Variants in KCNJ6 observed in about 807,000 individuals in gnomAD.
KCNJ6 encodes the protein potassium inwardly rectifying channel subfamily J member 6, also known as G protein-activated inward rectifier potassium channel 2.
KCNJ6 carries 9 observed loss-of-function variants against 34.2 expected under a neutral mutation model. That is an observed-to-expected ratio of 0.26 (90% CI 0.16 to 0.46). The LOEUF is 0.46. Ranked by LOEUF, KCNJ6 falls within the 20% of genes least tolerant of loss-of-function variation. The pLI, the probability that KCNJ6 is intolerant of heterozygous loss-of-function variation, is 1.00. For missense variants in KCNJ6, 236 were observed against 531.3 expected (o/e 0.44, Z 5.46); for synonymous variants, 196 against 207.1 (o/e 0.95, Z 0.46).
intron 2 of KCNJ6, among the ~76,000 whole-genome samples, chr21:37,728,220 T>C (rs1322361121): frequency 6.6e-6 from 1 of 152,198 alleles, no homozygotes; most frequent in African/African-American, 2.4e-5. Flanking sequence ...ACAAGTACTA[T>C]ATGATTTCAC....
intron 2 of KCNJ6, among the ~76,000 whole-genome samples, chr21:37,784,795 C>T (rs1207131607): frequency 6.6e-6 from 1 of 152,108 alleles, no homozygotes; most frequent in African/African-American, 2.4e-5. Flanking sequence ...ACAAGCACCC[C>T]GGTTTCTCCA....
intron 1 of KCNJ6, among the ~76,000 whole-genome samples, chr21:37,884,228 C>A (rs1419736534): frequency 1.3e-5 from 2 of 152,328 alleles, no homozygotes; most frequent in East Asian, 3.9e-4. Context: ...CCGCACCTCA[C>A]ATCCATCTCA....
chr21:37,720,687 A>AAAAC (rs1188005916), intron 2 of KCNJ6, among the ~76,000 whole-genome samples: 1 of 144,146 alleles, frequency 6.9e-6, no homozygotes, highest in Admixed American at 7.3e-5. Flanking sequence ...AGAATGGGAG[A>AAAAC]AAACATTTTC....
At position 37,695,194 on chromosome 21, in the gene KCNJ6, A is replaced by G. The variant is rs530816532; in HGVS notation, c.946+19017T>C. 7.9e-5 allele frequency among the ~76,000 whole-genome samples: 12 copies of G among 152,342 alleles called. No individual in the cohort carries two copies. Among genetic ancestry groups the G allele is most frequent in the African/African-American group, 2.2e-4 (9 of 41,586 alleles). Reference sequence around the variant, plus strand: ...GATGCACAATCTTGCTGCATGCCCAATAAATTTGATTCCAGGCATTGTTGC... The same window carrying G: ...GATGCACAATCTTGCTGCATGCCCAGTAAATTTGATTCCAGGCATTGTTGC... On this transcript the variant is annotated intron_variant, in intron 3 of 3. Transcript: ENST00000609713. This position sits in a 1 kb window ranked among gnomAD's most constrained non-coding sequence, Gnocchi z 4.2.
At chr21:37,812,057 C>A (rs1262124508) in intron 2 of KCNJ6, among the ~76,000 whole-genome samples, 1 of 152,186 alleles carries the variant, frequency 6.6e-6, no homozygotes, top group East Asian at 1.9e-4. Flanking sequence ...AATAGCTAAA[C>A]TACTGAAAGA....
rs2054242135 is a variant in KCNJ6 at position 37,611,372 on chromosome 21, G to A, written c.*13787C>T. ...GGTTAGTAACCTCCCCAACCAGAAA[G>A]CACTTGGCCCAGATGGGTTCACTGG... On this transcript the variant is annotated 3_prime_UTR_variant, in exon 4 of 4. Transcript: ENST00000609713. 6.6e-6 allele frequency: 1 copy of A among 152,152 alleles called. No individual in the cohort carries two copies. Among genetic ancestry groups the A allele is most frequent in the African/African-American group, 2.4e-5 (1 of 41,442 alleles). The allele number at this position is 152,152 out of a possible 1,614,324, so 9.4% of individuals were successfully genotyped here.
intron 1 of KCNJ6, among the ~76,000 whole-genome samples, chr21:37,860,395 C>T (rs1163401332): frequency 1.3e-5 from 2 of 152,192 alleles, no homozygotes; most frequent in Admixed American, 1.3e-4. Flanking sequence ...TCCTTTCTCG[C>T]CTGGTCTACG....
chr21:37,854,072 C>T (rs2055552371), intron 1 of KCNJ6, among the ~76,000 whole-genome samples: 1 of 150,598 alleles, frequency 6.6e-6, no homozygotes, highest in African/African-American at 2.4e-5. Flanking sequence ...AAATGGCCAA[C>T]CTAAGCCTTA....
At chr21:37,728,029 G>A (rs1221436793) in intron 2 of KCNJ6, among the ~76,000 whole-genome samples, 1 of 152,220 alleles carries the variant, frequency 6.6e-6, no homozygotes, top group Non-Finnish European at 1.5e-5. Context: ...GTTATTCACA[G>A]TGGCCAAAAG....
chr21:37,865,982 C>A (rs1268604289), intron 1 of KCNJ6, among the ~76,000 whole-genome samples: 1 of 152,108 alleles, frequency 6.6e-6, no homozygotes, highest in Non-Finnish European at 1.5e-5. Flanking sequence ...TAAAAAAAAT[C>A]ATATCAGGAA....
At chr21:37,880,945 G>A (rs765058654) in intron 1 of KCNJ6, among the ~76,000 whole-genome samples, 1 of 152,068 alleles carries the variant, frequency 6.6e-6, no homozygotes, top group Non-Finnish European at 1.5e-5. Context: ...GATGGCTCAG[G>A]AGGGATGGGA....
chr21:37,682,840 A>G (rs1419627846), intron 3 of KCNJ6, among the ~76,000 whole-genome samples: 4 of 152,054 alleles, frequency 2.6e-5, no homozygotes, highest in Admixed American at 6.6e-5. Flanking sequence ...CCTGCTGCTC[A>G]TCCCTGGGCC....
chr21:37,798,359 C>T (rs554287752), intron 2 of KCNJ6, among the ~76,000 whole-genome samples: 128 of 152,290 alleles, frequency 8.4e-4, no homozygotes, highest in African/African-American at 3.0e-3. Context: ...AGCCTCATGT[C>T]CCATGAGTCT....
chr21:37,868,247 T>C (rs1240179051), intron 1 of KCNJ6, among the ~76,000 whole-genome samples: 2 of 152,222 alleles, frequency 1.3e-5, no homozygotes, highest in Non-Finnish European at 2.9e-5. Context: ...TGACTACAGC[T>C]AGCGAGATCA....
chr21:37,862,951 A>G (rs2055602028), intron 1 of KCNJ6, among the ~76,000 whole-genome samples: 1 of 152,222 alleles, frequency 6.6e-6, no homozygotes, highest in Admixed American at 6.5e-5. Flanking sequence ...ACTCTTAAAA[A>G]GGCTAGGAAG....
intron 1 of KCNJ6, among the ~76,000 whole-genome samples, chr21:37,874,127 G>A (rs1391747543): frequency 6.6e-6 from 1 of 152,054 alleles, no homozygotes; most frequent in Non-Finnish European, 1.5e-5. Flanking sequence ...CTGCTCCCTG[G>A]AAGCTGCTCC....
At chr21:37,703,468 T>G (rs1024895499) in intron 3 of KCNJ6, among the ~76,000 whole-genome samples, 1 of 152,106 alleles carries the variant, frequency 6.6e-6, no homozygotes, top group South Asian at 2.1e-4. Context: ...AAGGGGGAGA[T>G]GGTGTTGAAA....
intron 1 of KCNJ6, among the ~76,000 whole-genome samples, chr21:37,850,429 A>T (rs1007178947): frequency 6.6e-6 from 1 of 152,058 alleles, no homozygotes; most frequent in Non-Finnish European, 1.5e-5. Flanking sequence ...ATCAGCAGTG[A>T]CATTAGATTC....
rs140897219 is a variant in KCNJ6 at position 37,757,985 on chromosome 21, C to T, written c.26-42854G>A. ...TGTCCCTGCATTCACCCACCTCCTG[C>T]GAATGGCTTCCTGGCATTAGGTTTC... is the stretch of plus-strand genomic sequence containing the variant. On this transcript the variant is annotated intron_variant, in intron 2 of 3. Coordinates refer to ENST00000609713, the MANE Select transcript of KCNJ6 (RefSeq NM_002240.5). 5.3e-4 allele frequency among the ~76,000 whole-genome samples: 80 copies of T among 152,338 alleles called. 1 individual carries two copies. In the East Asian group the frequency reaches 0.014, roughly 28 times the overall value.
Sources: allele counts gnomAD v4.1 joint callset (sites outside exome capture counted in the v4.1 genomes callset), GRCh38; gene constraint gnomAD v4.1.1; non-coding constraint Gnocchi (gnomAD v3.1); transcripts MANE v1.5; gene names NCBI Gene and HGNC (gene_info 2026-07-23, HGNC 2026-07-21).